The following CLEC2A variants were observed in gnomAD, a reference collection of about 807,000 sequenced individuals.
CLEC2A encodes C-type lectin domain family 2 member A.
CLEC2A carries 19 observed loss-of-function variants against 18.6 expected under a neutral mutation model. The ratio of observed to expected loss-of-function variants is 1.02; its 90% CI spans 0.71 to 1.50. CLEC2A has a LOEUF of 1.50. CLEC2A is among the 40% of genes most tolerant of loss of function. The pLI is 0.00. For missense variants in CLEC2A, 190 were observed against 207.9 expected (o/e 0.91, Z 0.53); for synonymous variants, 74 against 64.0 (o/e 1.16, Z -0.75).
chr12:9,911,811 G>C (rs1377911641), downstream of CLEC2A, among the ~76,000 whole-genome samples: 1 of 152,112 alleles, frequency 6.6e-6, no homozygotes, highest in Non-Finnish European at 1.5e-5. Flanking sequence ...GACAGGGCTA[G>C]GAGAACATGT....
the CLEC2A span, among the ~76,000 whole-genome samples, chr12:9,878,420 C>T: frequency 6.6e-6 from 1 of 152,062 alleles, no homozygotes; most frequent in Non-Finnish European, 1.5e-5. Flanking sequence ...TGTCAGCCCA[C>T]ACGGAGTTTG....
intron 4 of CLEC2A, among the ~76,000 whole-genome samples, chr12:9,916,423 C>G (rs1323812996): frequency 6.6e-6 from 1 of 151,860 alleles, no homozygotes; most frequent in African/African-American, 2.4e-5. Context: ...CAAAAGAGAA[C>G]TAATTGTCAA....
chr12:9,878,118 GA>G, the CLEC2A span, among the ~76,000 whole-genome samples: 9 of 149,826 alleles, frequency 6.0e-5, no homozygotes, highest in Middle Eastern at 3.4e-3. Context: ...GACCCTGTCT[GA>G]AAAAAAAAAT....
the CLEC2A span, chr12:9,888,739 A>G: frequency 1.3e-6 from 2 of 1,495,324 alleles, no homozygotes; most frequent in Admixed American, 3.9e-5. Context: ...ACAGATAAAA[A>G]AATGGATTTC....
intron 4 of CLEC2A, among the ~76,000 whole-genome samples, chr12:9,915,738 A>C (rs1216226280): frequency 1.3e-5 from 2 of 152,156 alleles, no homozygotes; most frequent in African/African-American, 4.8e-5. Flanking sequence ...CATTAGGACA[A>C]ACAGCTAATG....
chr12:9,909,394 A>T (rs1487116593), downstream of CLEC2A, among the ~76,000 whole-genome samples: 3 of 152,224 alleles, frequency 2.0e-5, no homozygotes, highest in Non-Finnish European at 4.4e-5. Flanking sequence ...TCAAACTACC[A>T]TAGTGGCCCT....
chr12:9,930,570 T>C (rs964959031), intron 1 of CLEC2A, among the ~76,000 whole-genome samples: 1 of 152,072 alleles, frequency 6.6e-6, no homozygotes, highest in Non-Finnish European at 1.5e-5. Context: ...TATTATCTCA[T>C]TTTTTAATTT....
At chr12:9,911,251 A>G (rs1332472423), downstream of CLEC2A, among the ~76,000 whole-genome samples, 1 of 152,194 alleles carries the variant, frequency 6.6e-6, no homozygotes, top group Non-Finnish European at 1.5e-5. Flanking sequence ...AAAGGAATGT[A>G]GAGTGAGGCT....
At chr12:9,918,627 T>C (rs1276150887) in intron 3 of CLEC2A, among the ~76,000 whole-genome samples, 1 of 152,234 alleles carries the variant, frequency 6.6e-6, no homozygotes. Context: ...TTTTTCTTTC[T>C]AATTTCATGA....
the CLEC2A span, among the ~76,000 whole-genome samples, chr12:9,892,100 C>T: frequency 2.6e-5 from 4 of 152,238 alleles, no homozygotes; most frequent in Admixed American, 2.6e-4. Flanking sequence ...ACCATTTGTC[C>T]TTTGCTTTAG....
chr12:9,897,009 A>T (rs979242693), downstream of CLEC2A, among the ~76,000 whole-genome samples: 2 of 151,742 alleles, frequency 1.3e-5, no homozygotes, highest in African/African-American at 4.8e-5. Flanking sequence ...ACAGGCATGC[A>T]CCACCATGCC....
chr12:9,893,654 C>G, the CLEC2A span: 2 of 439,778 alleles, frequency 4.5e-6, no homozygotes, highest in South Asian at 1.6e-4. Context: ...CTTATCTTTA[C>G]ATTTTTTTCT....
At chr12:9,918,452 G>A (rs902667444) in intron 3 of CLEC2A, among the ~76,000 whole-genome samples, 1 of 152,086 alleles carries the variant, frequency 6.6e-6, no homozygotes, top group African/African-American at 2.4e-5. Context: ...TGTTCCACTG[G>A]TCTATGTGCC....
At chr12:9,913,787 C>T in intron 4 of CLEC2A, 107 bp from the exon 5 acceptor site, 1 of 673,746 alleles carries the variant, frequency 1.5e-6, no homozygotes, top group Non-Finnish European at 2.4e-6. Context: ...CACTGAGCTC[C>T]CAGAAAATAT....
the CLEC2A span, chr12:9,884,933 G>T: frequency 9.1e-7 from 1 of 1,102,748 alleles, no homozygotes; most frequent in Admixed American, 3.2e-5. Flanking sequence ...CAACATTTCA[G>T]ATTTCTCCCT....
intron 1 of CLEC2A, among the ~76,000 whole-genome samples, chr12:9,931,550 T>C (rs922040970): frequency 6.6e-6 from 1 of 152,184 alleles, no homozygotes; most frequent in Non-Finnish European, 1.5e-5. Context: ...CTGAGGTCTC[T>C]TCAACCTTTA....
At chr12:9,877,916 A>T in the CLEC2A span, among the ~76,000 whole-genome samples, 6 of 152,246 alleles carry the variant, frequency 3.9e-5, no homozygotes, top group Non-Finnish European at 1.5e-5. Flanking sequence ...ACAAATAGTT[A>T]ACCCATAACA....
chr12:9,925,359 G>A (rs1387630010), intron 2 of CLEC2A, among the ~76,000 whole-genome samples: 1 of 152,156 alleles, frequency 6.6e-6, no homozygotes, highest in Non-Finnish European at 1.5e-5. Flanking sequence ...GAAATTAAAG[G>A]AATGCTACAA....
At chr12:9,919,945 T>G (rs1055385955) in intron 3 of CLEC2A, among the ~76,000 whole-genome samples, 1 of 152,180 alleles carries the variant, frequency 6.6e-6, no homozygotes, top group Non-Finnish European at 1.5e-5. Flanking sequence ...ACAAGGGCAG[T>G]CTGGCCACTT....
Sources: allele counts gnomAD v4.1 joint callset (sites outside exome capture counted in the v4.1 genomes callset), GRCh38; gene constraint gnomAD v4.1.1; transcripts MANE v1.5; gene names NCBI Gene and HGNC (gene_info 2026-07-23, HGNC 2026-07-21).